The following SMARCAL1 variants were observed in gnomAD, a reference collection of about 807,000 sequenced individuals.
SMARCAL1 encodes the protein SNF2 related chromatin remodeling annealing helicase 1.
SMARCAL1 carries 58 observed loss-of-function variants against 94.5 expected under a neutral mutation model. The observed-to-expected ratio is 0.61, with a 90% CI of 0.50 to 0.76. SMARCAL1 has a LOEUF of 0.76. SMARCAL1 is among the 30% of genes least tolerant of loss of function. The probability of loss-of-function intolerance (pLI) is 0.00; values close to 1 mark genes in which losing one functional copy is unlikely to be tolerated. For synonymous variants in SMARCAL1, 422 were observed against 455.1 expected (o/e 0.93, Z 0.93); for missense variants, 1,051 against 1,177.9 (o/e 0.89, Z 1.58).
intron 16 of SMARCAL1, 96 bp downstream of exon 16, chr2:216,477,305 A>C: frequency 1.1e-6 from 1 of 900,040 alleles, no homozygotes; most frequent in Admixed American, 2.0e-5. Context: ...TGCTTTTGCT[A>C]AGTAAGGTCT....
At chr2:216,453,159 G>A (rs1023459603) in intron 12 of SMARCAL1, among the ~76,000 whole-genome samples, 1 of 152,158 alleles carries the variant, frequency 6.6e-6, no homozygotes, top group African/African-American at 2.4e-5. Flanking sequence ...CTAAATTGCA[G>A]TGTCATTCTT....
intron 10 of SMARCAL1, chr2:216,446,534 A>G (rs1167408556): frequency 2.7e-6 from 1 of 371,870 alleles, no homozygotes; most frequent in Non-Finnish European, 5.4e-6. Context: ...CTTGCATGTC[A>G]CAGATCCACT....
intron 11 of SMARCAL1, among the ~76,000 whole-genome samples, chr2:216,447,501 T>A (rs1694345007): frequency 6.6e-6 from 1 of 151,964 alleles, no homozygotes; most frequent in Non-Finnish European, 1.5e-5. Context: ...GCTGGAGCTA[T>A]AAAAGGAAAG....
intron 12 of SMARCAL1, among the ~76,000 whole-genome samples, chr2:216,461,230 T>C (rs1694693436): frequency 6.6e-6 from 1 of 152,058 alleles, no homozygotes; most frequent in African/African-American, 2.4e-5. Context: ...TCTGTAACTA[T>C]ACTTTTTAAA....
chr2:216,450,965 G>C lies in SMARCAL1; in HGVS notation c.1971G>C (p.Lys657Asn). 1 of 1,614,234 alleles carries C rather than the reference G, an allele frequency of 6.2e-7. No homozygotes were observed. The highest frequency in any genetic ancestry group is 8.5e-7 in the Non-Finnish European group (1 of 1,180,034). The change falls in exon 12 of 18, where the codon AAG (lysine) becomes AAC (asparagine). Residue 657 changes from lysine (K) to asparagine (N), a missense_variant. Transcript: ENST00000357276. ...KSDVLSQLPA[K>N]QRKIVVIAPG... ...ACGTCCTTTCCCAGCTGCCTGCCAA[G>C]CAGCGCAAGATAGTGGTGATTGCCC... is the stretch of plus-strand genomic sequence containing the variant.
chr2:216,417,763 T>G (rs751121028), intron 4 of SMARCAL1, among the ~76,000 whole-genome samples: 3 of 152,182 alleles, frequency 2.0e-5, no homozygotes, highest in Non-Finnish European at 4.4e-5. Context: ...TGGATAAAGA[T>G]TGCAGATTTT....
chr2:216,435,773 G>A (rs187353519), intron 9 of SMARCAL1, among the ~76,000 whole-genome samples: 6 of 152,176 alleles, frequency 3.9e-5, no homozygotes, highest in African/African-American at 1.2e-4. Context: ...CTTTCCCAGC[G>A]TGACTCATGG....
chr2:216,467,571 C>T (rs911057210), intron 13 of SMARCAL1, among the ~76,000 whole-genome samples: 1 of 151,712 alleles, frequency 6.6e-6, no homozygotes, highest in African/African-American at 2.4e-5. Context: ...AGAACCTTCT[C>T]TCCATAGTCC....
chr2:216,468,914 T>C (rs1694895018), intron 14 of SMARCAL1, among the ~76,000 whole-genome samples: 1 of 152,130 alleles, frequency 6.6e-6, no homozygotes, highest in African/African-American at 2.4e-5. Flanking sequence ...GGTTTCACCA[T>C]GTTGCCCAGG....
intron 10 of SMARCAL1, among the ~76,000 whole-genome samples, chr2:216,443,645 C>T (rs1398189314): frequency 6.6e-6 from 1 of 152,136 alleles, no homozygotes; most frequent in Non-Finnish European, 1.5e-5. Flanking sequence ...GTGACTGGAA[C>T]TTTGTTTTTT....
intron 12 of SMARCAL1, among the ~76,000 whole-genome samples, chr2:216,462,226 C>G (rs1321288221): frequency 6.6e-6 from 1 of 152,198 alleles, no homozygotes; most frequent in Non-Finnish European, 1.5e-5. Context: ...AGTTTTCCAT[C>G]TGTTTGTTTT....
intron 4 of SMARCAL1, 36 bp downstream of exon 4, chr2:216,416,343 A>G: frequency 4.5e-6 from 7 of 1,561,636 alleles, no homozygotes; most frequent in Non-Finnish European, 5.3e-6. Flanking sequence ...GGAGGGTGGC[A>G]CTGGTGCTGA....
chr2:216,414,621 T>C (rs1693543979), intron 2 of SMARCAL1, 26 bp from the exon 3 acceptor site: 1 of 1,184,226 alleles, frequency 8.4e-7, no homozygotes, highest in African/African-American at 1.5e-5. Flanking sequence ...TAATGTTCAT[T>C]TCATTCTTCT....
At chr2:216,420,630 T>C (rs1235014508) in intron 5 of SMARCAL1, 98 bp downstream of exon 5, 2 of 938,630 alleles carry the variant, frequency 2.1e-6, no homozygotes, top group Non-Finnish European at 3.4e-6. Context: ...AAAATTACTT[T>C]CTTGGGAAAG....
chr2:216,417,569 T>G (rs1207424574), intron 4 of SMARCAL1, among the ~76,000 whole-genome samples: 1 of 152,250 alleles, frequency 6.6e-6, no homozygotes, highest in African/African-American at 2.4e-5. Flanking sequence ...TCATTTAACT[T>G]ATTAACCTCT....
At chr2:216,443,878 G>A (rs72948612) in intron 10 of SMARCAL1, among the ~76,000 whole-genome samples, 14,655 of 152,196 alleles carry the variant, frequency 0.096, 870 homozygotes, top group South Asian at 0.18. Context: ...GAATACACCC[G>A]TGGTCTCCCT....
intron 14 of SMARCAL1, among the ~76,000 whole-genome samples, chr2:216,469,531 G>T (rs1489112890): frequency 6.6e-6 from 1 of 151,856 alleles, no homozygotes; most frequent in Non-Finnish European, 1.5e-5. Flanking sequence ...TGATCCGCCC[G>T]CCTCGGCCTC....
chr2:216,461,055 GGTGTGTGTGTGT>G (rs71054476), intron 12 of SMARCAL1, among the ~76,000 whole-genome samples: 14 of 146,244 alleles, frequency 9.6e-5, no homozygotes, highest in East Asian at 8.0e-4. Context: ...ACTAGAAAGA[GGTGTGTGTGTGT>G]GTGTGTGTGT....
chr2:216,435,238 G>A, intron 8 of SMARCAL1, 100 bp from the exon 9 acceptor site: 1 of 1,242,866 alleles, frequency 8.0e-7, no homozygotes, highest in Non-Finnish European at 1.2e-6. Flanking sequence ...GAGGAAGGTA[G>A]AGGTGATGGC....
Sources: allele counts gnomAD v4.1 joint callset (sites outside exome capture counted in the v4.1 genomes callset), GRCh38; gene constraint gnomAD v4.1.1; transcripts MANE v1.5; gene names NCBI Gene and HGNC (gene_info 2026-07-23, HGNC 2026-07-21).